SLC9A9: variants seen among roughly 807,000 people sequenced by gnomAD.
SLC9A9 encodes the protein solute carrier family 9 member A9.
A neutral mutation model predicts 77.8 loss-of-function variants in SLC9A9; 62 were observed. That is an observed-to-expected ratio of 0.80 (90% CI 0.65 to 0.98). The LOEUF (loss-of-function observed/expected upper bound fraction) is 0.98. Among genes scored for constraint, SLC9A9 ranks in the 50% least tolerant of loss-of-function variants. SLC9A9 has a pLI of 0.00. For synonymous variants in SLC9A9, 320 were observed against 283.5 expected (o/e 1.13, Z -1.29); for missense variants, 775 against 774.9 (o/e 1.00, Z 0.00).
intron 13 of SLC9A9, among the ~76,000 whole-genome samples, chr3:143,374,402 G>A (rs1199301285): frequency 7.1e-6 from 1 of 140,002 alleles, no homozygotes; most frequent in Non-Finnish European, 1.5e-5. Context: ...TCCAGCCTGG[G>A]AGACAGCGAG....
chr3:143,696,310 G>A (rs920882793), intron 4 of SLC9A9, among the ~76,000 whole-genome samples: 6 of 152,144 alleles, frequency 3.9e-5, no homozygotes, highest in Non-Finnish European at 7.4e-5. Flanking sequence ...TCCATCTTGA[G>A]TTAACTTTTG....
At chr3:143,570,552 A>T (rs1011780033) in intron 8 of SLC9A9, among the ~76,000 whole-genome samples, 3 of 152,194 alleles carry the variant, frequency 2.0e-5, no homozygotes, top group Non-Finnish European at 4.4e-5. Flanking sequence ...CATTGCAGTA[A>T]TAATAAGAAT....
At chr3:143,606,436 C>CTCTCTCTCTCTATATATA (rs1419410834) in intron 6 of SLC9A9, among the ~76,000 whole-genome samples, 28 of 54,208 alleles carry the variant, frequency 5.2e-4, no homozygotes, top group African/African-American at 1.5e-3. Context: ...CTCTCTCTCT[C>CTCTCTCTCTCTATATATA]TATATATATA....
intron 4 of SLC9A9, among the ~76,000 whole-genome samples, chr3:143,701,359 A>C (rs1933796714): frequency 6.6e-6 from 1 of 152,204 alleles, no homozygotes; most frequent in Admixed American, 6.5e-5. Context: ...GACCCTTTTG[A>C]CAGAGAATTC....
At chr3:143,347,249 A>G (rs750374449) in intron 14 of SLC9A9, among the ~76,000 whole-genome samples, 2 of 152,202 alleles carry the variant, frequency 1.3e-5, no homozygotes, top group Non-Finnish European at 1.5e-5. Context: ...CGTCACAAGC[A>G]TCACAACCAA....
chr3:143,548,466 A>G (rs2108635852), intron 9 of SLC9A9, among the ~76,000 whole-genome samples: 1 of 152,256 alleles, frequency 6.6e-6, no homozygotes, highest in East Asian at 1.9e-4. Context: ...AGCACTGCTC[A>G]GCTCCCAGGG....
At chr3:143,589,113 C>G (rs1028786369) in intron 6 of SLC9A9, among the ~76,000 whole-genome samples, 1 of 152,178 alleles carries the variant, frequency 6.6e-6, no homozygotes. Context: ...AGGTCAAATT[C>G]TCCAATGTTT....
At chr3:143,426,519 C>T (rs1207832378) in intron 12 of SLC9A9, among the ~76,000 whole-genome samples, 1 of 152,138 alleles carries the variant, frequency 6.6e-6, no homozygotes, top group East Asian at 1.9e-4. Context: ...AGCAATTTTT[C>T]TAGCCTTTTT....
At chr3:143,613,526 T>G (rs779587561) in intron 6 of SLC9A9, among the ~76,000 whole-genome samples, 23 of 152,238 alleles carry the variant, frequency 1.5e-4, no homozygotes, top group Non-Finnish European at 3.4e-4. Flanking sequence ...AGTCTGGTAT[T>G]TCTTACATTT....
intron 9 of SLC9A9, among the ~76,000 whole-genome samples, chr3:143,538,064 A>G (rs905572592): frequency 1.3e-5 from 2 of 152,200 alleles, no homozygotes; most frequent in African/African-American, 2.4e-5. Flanking sequence ...TGGAACCTAT[A>G]ATAAAGTGTT....
At chr3:143,275,550 AT>A (rs1938020424) in intron 14 of SLC9A9, among the ~76,000 whole-genome samples, 1 of 151,568 alleles carries the variant, frequency 6.6e-6, no homozygotes, top group African/African-American at 2.4e-5. Context: ...TTTATTTCTG[AT>A]TTTTTTCTTC....
rs114475739 is a variant in SLC9A9, at chr3:143,402,109, A to C, written c.1470-19995T>G. On this transcript the variant is annotated intron_variant, in intron 12 of 15. Coordinates refer to ENST00000316549, the MANE Select transcript of SLC9A9 (RefSeq NM_173653.4). Reference sequence around the variant, plus strand: ...TGATCGCACCCTACCATGTCATTTTAAAGATAAGAACACTGAGACCCACAA... The same window carrying C: ...TGATCGCACCCTACCATGTCATTTTCAAGATAAGAACACTGAGACCCACAA... Among the ~76,000 whole-genome samples, 989 of 152,300 alleles carry C rather than the reference A, an allele frequency of 6.5e-3. 8 individuals carry two copies. The highest frequency in any genetic ancestry group is 0.023 in the African/African-American group (943 of 41,566).
At chr3:143,636,564 C>T (rs979313864) in intron 6 of SLC9A9, among the ~76,000 whole-genome samples, 4 of 152,074 alleles carry the variant, frequency 2.6e-5, no homozygotes, top group South Asian at 2.1e-4. Context: ...TTAGTGTATC[C>T]ATCACCCAAA....
chr3:143,278,183 C>T (rs1009202852), intron 14 of SLC9A9, among the ~76,000 whole-genome samples: 7 of 152,198 alleles, frequency 4.6e-5, no homozygotes, highest in African/African-American at 1.7e-4. Flanking sequence ...GCACCAGCAA[C>T]TGCAGTGTAG....
intron 14 of SLC9A9, among the ~76,000 whole-genome samples, chr3:143,329,497 G>A (rs774097435): frequency 1.3e-5 from 2 of 152,176 alleles, no homozygotes; most frequent in Non-Finnish European, 2.9e-5. Context: ...AGTTCTTGGG[G>A]AGGGGGTGCA....
At chr3:143,317,252 G>C (rs1308520395) in intron 14 of SLC9A9, among the ~76,000 whole-genome samples, 1 of 152,066 alleles carries the variant, frequency 6.6e-6, no homozygotes, top group Non-Finnish European at 1.5e-5. Flanking sequence ...CTAGCCATCA[G>C]GTCCACCAAG....
At chr3:143,717,003 G>A (rs1397870154) in intron 4 of SLC9A9, among the ~76,000 whole-genome samples, 3 of 152,160 alleles carry the variant, frequency 2.0e-5, no homozygotes, top group Admixed American at 6.5e-5. Flanking sequence ...ATGAATCACA[G>A]CCTTCAGCTG....
intron 11 of SLC9A9, among the ~76,000 whole-genome samples, chr3:143,493,204 T>C (rs928748778): frequency 3.3e-5 from 5 of 152,214 alleles, no homozygotes; most frequent in African/African-American, 1.2e-4. Flanking sequence ...TTGTATTAAC[T>C]GTGAGGAGTT....
chr3:143,599,013 T>C (rs1262699059), intron 6 of SLC9A9, among the ~76,000 whole-genome samples: 1 of 152,220 alleles, frequency 6.6e-6, no homozygotes, highest in African/African-American at 2.4e-5. Context: ...ACAGGTCGCC[T>C]CAATCCCTCA....
Sources: gnomAD v4.1 joint callset for allele counts (sites outside exome capture counted in the v4.1 genomes callset) on GRCh38, gnomAD v4.1.1 for gene constraint, MANE v1.5 for transcripts, NCBI Gene and HGNC (gene_info 2026-07-23, HGNC 2026-07-21) for gene names.